Variants in HECA observed in about 807,000 individuals in gnomAD.
The protein encoded by HECA is HECA ribonucleoprotein granule regulator, also known as headcase protein homolog.
Under a neutral mutation model 37.6 loss-of-function variants are expected in HECA, and 13 were observed. The observed-to-expected ratio is 0.35, with a 90% CI of 0.23 to 0.55. The LOEUF (loss-of-function observed/expected upper bound fraction) is 0.55, where lower values mean the gene tolerates loss of function less well. HECA is among the 20% of genes least tolerant of loss of function. HECA has a pLI of 0.90. For missense variants in HECA, 527 were observed against 701.9 expected, an observed-to-expected ratio of 0.75 and a Z score of 2.82; for synonymous variants, 307 against 291.5, an observed-to-expected ratio of 1.05 and a Z score of -0.54.
intron 1 of HECA, 76 bp from the exon 2 acceptor site, chr6:139,166,203 TATACC>T (rs1397324188): frequency 1.8e-6 from 2 of 1,134,148 alleles, no homozygotes; most frequent in East Asian, 4.8e-5. Flanking sequence ...AGAAAAACCT[TATACC>T]ATACTGTTGC....
Position 139,177,145 on chromosome 6 carries a change from A to C in HECA, c.*40A>C. The C allele has an allele frequency of 1.3e-6, 1 of 759,224 alleles. No individual in the cohort carries two copies. Among genetic ancestry groups the C allele is most frequent in the South Asian group, 1.6e-5 (1 of 62,808 alleles). 47.0% of individuals were successfully genotyped at this position (759,224 alleles called of 1,614,324 possible). A position where few individuals can be genotyped will look rare whatever the true frequency, so the allele number is the denominator to read the frequency against. On this transcript the variant is annotated 3_prime_UTR_variant, in exon 4 of 4. Coordinates refer to ENST00000367658, the MANE Select transcript of HECA (RefSeq NM_016217.3). The surrounding 1 kb of genome is among the most constrained non-coding windows in gnomAD (Gnocchi z 4.9). ...TAGTAATAGCTATTTTATTGATATT[A>C]TTACTTTATTACATATCTTTTATAG... is the stretch of plus-strand genomic sequence containing the variant.
chr6:139,150,162 C>T (rs1042090175), intron 1 of HECA, among the ~76,000 whole-genome samples: 1 of 152,152 alleles, frequency 6.6e-6, no homozygotes, highest in African/African-American at 2.4e-5. Context: ...TCATGGTTTC[C>T]TTACTTCCCT....
rs1280804963 is a variant in HECA at position 139,177,520 on chromosome 6, G to C, written c.*415G>C. On this transcript the variant is annotated 3_prime_UTR_variant, in exon 4 of 4. Coordinates refer to ENST00000367658, the MANE Select transcript of HECA (RefSeq NM_016217.3). This position sits in a 1 kb window ranked among gnomAD's most constrained non-coding sequence, Gnocchi z 4.9. Reference sequence around the variant, plus strand: ...TCCTTGGGCCTTTGGAAAAATATGTGACAAGTGAATGTAAGTCTGTGCCTG... The same window carrying C: ...TCCTTGGGCCTTTGGAAAAATATGTCACAAGTGAATGTAAGTCTGTGCCTG... The C allele has an allele frequency of 1.3e-5, 2 of 156,918 alleles. No homozygotes were observed. The highest frequency in any genetic ancestry group is 4.8e-5 in the African/African-American group (2 of 41,484). The allele number at this position is 156,918 out of a possible 1,614,324, so 9.7% of individuals were successfully genotyped here.
chr6:139,147,210 A>C (rs943594922), intron 1 of HECA, among the ~76,000 whole-genome samples: 70 of 152,342 alleles, frequency 4.6e-4, no homozygotes, highest in African/African-American at 1.6e-3. Context: ...ATCTTGACTC[A>C]CACACATACG....
At chr6:139,154,415 A>G (rs747318721) in intron 1 of HECA, among the ~76,000 whole-genome samples, 8 of 152,246 alleles carry the variant, frequency 5.3e-5, no homozygotes, top group African/African-American at 9.6e-5. Context: ...TTACTAAGAC[A>G]CAATGCAGGC....
chr6:139,176,797 G>A lies in HECA; in HGVS notation c.1468-144G>A. The A allele has an allele frequency of 1.6e-6, 1 of 615,324 alleles. No individual in the cohort carries two copies. The allele number at this position is 615,324 out of a possible 1,614,324, so 38.1% of individuals were successfully genotyped here. ...AGGAGAGAAGTTGGGAGTCTTTCAGGTATACCCCGTTTCCATGTTTTTGGT... is the reference window on the plus strand; with the variant it reads ...AGGAGAGAAGTTGGGAGTCTTTCAGATATACCCCGTTTCCATGTTTTTGGT... On this transcript the variant is annotated intron_variant, in intron 3 of 3. Transcript: ENST00000367658. The surrounding 1 kb of genome is among the most constrained non-coding windows in gnomAD (Gnocchi z 4.5).
intron 1 of HECA, among the ~76,000 whole-genome samples, chr6:139,139,298 C>T (rs1178336930): frequency 2.0e-5 from 3 of 152,152 alleles, no homozygotes; most frequent in Non-Finnish European, 4.4e-5. Flanking sequence ...CTTCTCTGAG[C>T]CTTGGTTTCT....
intron 1 of HECA, among the ~76,000 whole-genome samples, chr6:139,157,662 T>C (rs1269045877): frequency 2.0e-5 from 3 of 152,200 alleles, no homozygotes; most frequent in East Asian, 3.9e-4. Context: ...CTGACAAAAG[T>C]GTAAGTTGGG....
chr6:139,147,808 G>A (rs1774603931), intron 1 of HECA, among the ~76,000 whole-genome samples: 1 of 152,152 alleles, frequency 6.6e-6, no homozygotes, highest in Admixed American at 6.5e-5. Context: ...TGTTCTTAAT[G>A]GACCAGAGTT....
At chr6:139,158,775 T>A (rs896652282) in intron 1 of HECA, among the ~76,000 whole-genome samples, 6 of 152,030 alleles carry the variant, frequency 3.9e-5, no homozygotes, top group Non-Finnish European at 8.8e-5. Context: ...GGGTAGGTAT[T>A]AGTATTATTA....
At chr6:139,142,010 T>C (rs1285316775) in intron 1 of HECA, among the ~76,000 whole-genome samples, 1 of 140,668 alleles carries the variant, frequency 7.1e-6, no homozygotes, top group Non-Finnish European at 1.5e-5. Flanking sequence ...CACTGCAAGC[T>C]CCACCTCCTG....
chr6:139,135,679 C>A lies in HECA; in HGVS notation c.271+12C>A. 1 of 980,474 alleles carries A rather than the reference C, an allele frequency of 1.0e-6. No homozygotes were observed. The highest frequency in any genetic ancestry group is 1.0e-4 in the East Asian group (1 of 9,946). 60.7% of individuals were successfully genotyped at this position (980,474 alleles called of 1,614,324 possible). A position where few individuals can be genotyped will look rare whatever the true frequency, so the allele number is the denominator to read the frequency against. On this transcript the variant is annotated intron_variant, in intron 1 of 3. Transcript: ENST00000367658. The stretch of plus-strand genomic sequence containing the variant: ...CGATGCCAAAAACGGTAAGACGGGG[C>A]TGGCGGGGCGAGCGCCAACTTCCTC...
At chr6:139,154,127 G>A (rs1343128704) in intron 1 of HECA, among the ~76,000 whole-genome samples, 2 of 152,290 alleles carry the variant, frequency 1.3e-5, no homozygotes, top group South Asian at 2.1e-4. Context: ...TGGTATCAGA[G>A]CAATGTAATT....
intron 1 of HECA, among the ~76,000 whole-genome samples, chr6:139,141,919 ATTTTTTTTTTTTTT>A (rs11345845): frequency 7.2e-4 from 35 of 48,786 alleles, no homozygotes; most frequent in Admixed American, 1.9e-3. Context: ...TGCCCAGCTA[ATTTTTTTTTTTTTT>A]TTTTTTTTTT....
At chr6:139,137,171 G>C (rs1178179487) in intron 1 of HECA, among the ~76,000 whole-genome samples, 2 of 151,930 alleles carry the variant, frequency 1.3e-5, no homozygotes, top group Non-Finnish European at 1.5e-5. Context: ...TTTTCTCCTG[G>C]CTTTAACCTT....
At chr6:139,146,174 C>T (rs1774581462) in intron 1 of HECA, among the ~76,000 whole-genome samples, 1 of 152,012 alleles carries the variant, frequency 6.6e-6, no homozygotes, top group African/African-American at 2.4e-5. Context: ...AATAGAATGC[C>T]TTAAGATTTA....
chr6:139,169,426 T>C (rs1421446060), intron 2 of HECA, among the ~76,000 whole-genome samples: 1 of 152,218 alleles, frequency 6.6e-6, no homozygotes, highest in Admixed American at 6.5e-5. Context: ...TTTAATAGCA[T>C]TCTCTTCTTG....
At chr6:139,173,651 A>G (rs1775007674) in intron 2 of HECA, among the ~76,000 whole-genome samples, 1 of 152,196 alleles carries the variant, frequency 6.6e-6, no homozygotes, top group South Asian at 2.1e-4. Context: ...GATTCTGGGC[A>G]TTCTGACTCT....
intron 1 of HECA, among the ~76,000 whole-genome samples, chr6:139,147,347 C>T (rs1258696166): frequency 2.6e-5 from 4 of 152,136 alleles, no homozygotes; most frequent in Admixed American, 6.5e-5. Context: ...TCTTATGGGT[C>T]GGGCGTAGTG....
Sources: gnomAD v4.1 joint callset for allele counts (sites outside exome capture counted in the v4.1 genomes callset) on GRCh38, gnomAD v4.1.1 for gene constraint, Gnocchi (gnomAD v3.1) non-coding constraint, MANE v1.5 for transcripts, NCBI Gene and HGNC (gene_info 2026-07-23, HGNC 2026-07-21) for gene names.